Variants in SSUH2 observed in about 807,000 individuals in gnomAD.
The protein encoded by SSUH2 is protein SSUH2 homolog.
SSUH2 carries 47 observed loss-of-function variants against 55.3 expected under a neutral mutation model. That is an observed-to-expected ratio of 0.85 (90% CI 0.67 to 1.08). The LOEUF (loss-of-function observed/expected upper bound fraction) is 1.08, where lower values mean the gene tolerates loss of function less well. SSUH2 is among the 50% of genes least tolerant of loss of function. The probability of loss-of-function intolerance (pLI) is 0.00; values close to 1 mark genes in which losing one functional copy is unlikely to be tolerated. For missense variants in SSUH2, 535 were observed against 490.7 expected, an observed-to-expected ratio of 1.09 and a Z score of -0.85; for synonymous variants, 212 against 191.5, an observed-to-expected ratio of 1.11 and a Z score of -0.89.
rs200255346 is a variant in SSUH2, at chr3:8,679,452, A to AGGC, written c.-901+250_-901+252dup. On this transcript the variant is annotated intron_variant, in intron 2 of 18. Coordinates refer to the SSUH2 transcript ENST00000317371. Reference sequence around the variant, plus strand: ...TTAGGACCCCCATCACAGCGGGGGGAGGCACCCCCCGGGAGGCGGGGACTG... The same window carrying AGGC: ...TTAGGACCCCCATCACAGCGGGGGGAGGCGGCACCCCCCGGGAGGCGGGGACTG... Among the ~76,000 whole-genome samples, 679 of 122,536 alleles carry AGGC rather than the reference A, an allele frequency of 5.5e-3. 7 individuals carry two copies. The highest frequency in any genetic ancestry group is 9.7e-3 in the Middle Eastern group (2 of 206). The allele number at this position is 122,536 out of a possible 152,430, so 80.4% of individuals were successfully genotyped here.
intron 3 of SSUH2, 137 bp downstream of exon 3, chr3:8,635,163 G>A: frequency 1.5e-6 from 1 of 659,966 alleles, no homozygotes; most frequent in Non-Finnish European, 2.5e-6. Flanking sequence ...CCCCATCCCT[G>A]GAGGATCTGG....
chr3:8,663,091 C>T (rs1380646910), intron 6 of SSUH2, among the ~76,000 whole-genome samples: 1 of 152,226 alleles, frequency 6.6e-6, no homozygotes, highest in African/African-American at 2.4e-5. Flanking sequence ...TGATAATTAA[C>T]GTGCCATGCT....
At chr3:8,627,666 A>C in intron 8 of SSUH2, 32 bp downstream of exon 8, 1 of 1,447,718 alleles carries the variant, frequency 6.9e-7, no homozygotes, top group South Asian at 1.4e-5. Flanking sequence ...AAGCAAGAGC[A>C]CTTCACCGCG....
chr3:8,672,675 C>T (rs1057148110), intron 3 of SSUH2, among the ~76,000 whole-genome samples: 2 of 152,104 alleles, frequency 1.3e-5, no homozygotes, highest in African/African-American at 4.8e-5. Context: ...TGGGTGTACA[C>T]AGCCTGCGAT....
At chr3:8,630,706 G>T in intron 6 of SSUH2, 99 bp downstream of exon 6, 1 of 1,195,406 alleles carries the variant, frequency 8.4e-7, no homozygotes, top group Non-Finnish European at 1.1e-6. Flanking sequence ...CTGAATTTTG[G>T]GTTTCCCTTC....
chr3:8,644,931 T>G (rs1038327457), upstream of SSUH2: 2 of 651,010 alleles, frequency 3.1e-6, no homozygotes, highest in East Asian at 5.5e-5. Flanking sequence ...CTGCACCCAA[T>G]CCACCGGGTT....
intron 6 of SSUH2, among the ~76,000 whole-genome samples, chr3:8,630,182 CT>C (rs1204184066): frequency 6.6e-6 from 1 of 152,194 alleles, no homozygotes; most frequent in Admixed American, 6.5e-5. Flanking sequence ...GAATAGAACA[CT>C]TTCTCGACCT....
At chr3:8,660,844 A>T (rs1703409301) in intron 6 of SSUH2, among the ~76,000 whole-genome samples, 1 of 152,206 alleles carries the variant, frequency 6.6e-6, no homozygotes. Flanking sequence ...TGAGCCGGTG[A>T]GTACCTAAAA....
At chr3:8,631,140 T>C (rs1369263600) in intron 5 of SSUH2, among the ~76,000 whole-genome samples, 2 of 152,182 alleles carry the variant, frequency 1.3e-5, no homozygotes, top group African/African-American at 4.8e-5. Context: ...CTCCTGGCTC[T>C]TTTATGTCCT....
At chr3:8,649,909 C>T (rs1702192388) in intron 7 of SSUH2, among the ~76,000 whole-genome samples, 1 of 152,164 alleles carries the variant, frequency 6.6e-6, no homozygotes, top group African/African-American at 2.4e-5. Context: ...CCAGTCCTTG[C>T]CGTGCTCTGC....
At chr3:8,660,096 C>T (rs369792095) in intron 6 of SSUH2, among the ~76,000 whole-genome samples, 28 of 152,292 alleles carry the variant, frequency 1.8e-4, no homozygotes, top group African/African-American at 2.2e-4. Context: ...TCCCAGGAGG[C>T]GTGTTAGTTT....
intron 5 of SSUH2, among the ~76,000 whole-genome samples, chr3:8,670,262 C>T (rs1704406305): frequency 6.6e-6 from 1 of 152,088 alleles, no homozygotes; most frequent in Non-Finnish European, 1.5e-5. Flanking sequence ...CAGCCTTTCA[C>T]CTCTGCCGAC....
intron 7 of SSUH2, among the ~76,000 whole-genome samples, chr3:8,656,778 C>A (rs571382039): frequency 1.3e-5 from 2 of 152,250 alleles, no homozygotes; most frequent in South Asian, 4.1e-4. Flanking sequence ...AGTGGTGGAG[C>A]CGGGATTTGA....
upstream of SSUH2, among the ~76,000 whole-genome samples, chr3:8,648,870 G>A (rs1702046180): frequency 6.6e-6 from 1 of 152,024 alleles, no homozygotes; most frequent in Admixed American, 6.6e-5. Flanking sequence ...AGAGACTCTG[G>A]CCTGCCCCCA....
intron 1 of SSUH2, among the ~76,000 whole-genome samples, 195 bp downstream of exon 1, chr3:8,644,536 C>T (rs973917006): frequency 4.6e-5 from 7 of 152,128 alleles, no homozygotes; most frequent in African/African-American, 1.7e-4. Context: ...GGGGTGCTCT[C>T]GGCAATCCAG....
intron 1 of SSUH2, among the ~76,000 whole-genome samples, chr3:8,681,502 G>T (rs1212841561): frequency 6.7e-6 from 1 of 148,866 alleles, no homozygotes; most frequent in East Asian, 2.0e-4. Flanking sequence ...CCACGAGGCG[G>T]GGACTGAGAG....
intron 7 of SSUH2, among the ~76,000 whole-genome samples, chr3:8,657,524 G>A (rs965751102): frequency 1.3e-5 from 2 of 152,146 alleles, no homozygotes; most frequent in Non-Finnish European, 1.5e-5. Flanking sequence ...CAGTGGGTAC[G>A]ACAGGAGGTC....
At chr3:8,681,388 C>G (rs1279695035) in intron 1 of SSUH2, among the ~76,000 whole-genome samples, 1 of 146,754 alleles carries the variant, frequency 6.8e-6, no homozygotes, top group Non-Finnish European at 1.5e-5. Flanking sequence ...TCTGAGGACA[C>G]CCATCGCAGG....
Position 8,678,664 on chromosome 3 carries a change from C to G in SSUH2, c.-901+1041G>C, listed in dbSNP as rs56115124. On this transcript the variant is annotated intron_variant, in intron 2 of 18. Transcript: ENST00000317371. Reference sequence around the variant, plus strand: ...CATCGCAGTGGGGGGAGGCACCCCCCGCGAGGCGGGGATTGAGAGCCAGCC... The same window carrying G: ...CATCGCAGTGGGGGGAGGCACCCCCGGCGAGGCGGGGATTGAGAGCCAGCC... 5.5e-5 allele frequency among the ~76,000 whole-genome samples: 3 copies of G among 54,274 alleles called. 1 individual carries two copies. In the Admixed American group the frequency reaches 5.8e-4, roughly 10 times the overall value. The allele number at this position is 54,274 out of a possible 152,430, so 35.6% of individuals were successfully genotyped here.
Sources: allele counts gnomAD v4.1 joint callset (sites outside exome capture counted in the v4.1 genomes callset), GRCh38; gene constraint gnomAD v4.1.1; transcripts MANE v1.5; gene names NCBI Gene and HGNC (gene_info 2026-07-23, HGNC 2026-07-21).